Variants in LRP1B observed in about 807,000 individuals in gnomAD.
The protein encoded by LRP1B is LDL receptor related protein 1B, also known as low-density lipoprotein receptor-related protein 1B.
Under a neutral mutation model 556.6 loss-of-function variants are expected in LRP1B, and 217 were observed. The observed-to-expected ratio is 0.39, with a 90% CI of 0.35 to 0.44. LRP1B has a LOEUF of 0.44. LRP1B is among the 20% of genes least tolerant of loss of function. LRP1B has a pLI of 1.00. For missense variants in LRP1B, 5,053 were observed against 5,620.8 expected, an observed-to-expected ratio of 0.90 and a Z score of 3.23; for synonymous variants, 2,047 against 1,865.8, an observed-to-expected ratio of 1.10 and a Z score of -2.50.
intron 2 of LRP1B, among the ~76,000 whole-genome samples, chr2:141,747,974 C>A (rs1358025792): frequency 1.3e-5 from 2 of 152,018 alleles, no homozygotes; most frequent in African/African-American, 2.4e-5. Context: ...CTAGTAGTAC[C>A]CAGTTGGGGC....
chr2:141,080,647 G>A (rs1699899940), intron 7 of LRP1B, among the ~76,000 whole-genome samples: 1 of 152,046 alleles, frequency 6.6e-6, no homozygotes, highest in Non-Finnish European at 1.5e-5. Flanking sequence ...CTTGGTAAAC[G>A]ATGGTGCATA....
At chr2:141,577,810 G>A (rs1463522024) in intron 2 of LRP1B, among the ~76,000 whole-genome samples, 1 of 152,130 alleles carries the variant, frequency 6.6e-6, no homozygotes, top group Non-Finnish European at 1.5e-5. Context: ...CTCCTGGCAG[G>A]ACACAAGTTG....
intron 1 of LRP1B, among the ~76,000 whole-genome samples, chr2:141,987,012 G>A (rs746889892): frequency 2.0e-5 from 3 of 151,768 alleles, no homozygotes; most frequent in African/African-American, 4.8e-5. Flanking sequence ...ATAAAAATGC[G>A]GATAACAGTA....
At chr2:140,371,803 AAAGTAT>A (rs1683013163) in intron 69 of LRP1B, among the ~76,000 whole-genome samples, 1 of 152,148 alleles carries the variant, frequency 6.6e-6, no homozygotes, top group South Asian at 2.1e-4. Flanking sequence ...TGACATAAAT[AAAGTAT>A]TTGAATAAGT....
chr2:140,499,006 G>T (rs111711501), intron 55 of LRP1B, among the ~76,000 whole-genome samples: 1 of 151,706 alleles, frequency 6.6e-6, no homozygotes, highest in Non-Finnish European at 1.5e-5. Context: ...TAACATATGC[G>T]CACACCTTGT....
At chr2:141,594,560 AC>A (rs1210956514) in intron 2 of LRP1B, among the ~76,000 whole-genome samples, 2 of 152,126 alleles carry the variant, frequency 1.3e-5, no homozygotes, top group East Asian at 3.9e-4. Context: ...AGCAACATGG[AC>A]AAATCAGACT....
chr2:141,446,568 T>A (rs566408964), intron 3 of LRP1B, among the ~76,000 whole-genome samples: 1 of 152,324 alleles, frequency 6.6e-6, no homozygotes, highest in South Asian at 2.1e-4. Context: ...TTTCCATATT[T>A]AGTGCTTCCT....
At chr2:140,273,333 T>TTGGATAGTTTATA (rs1682542730) in intron 85 of LRP1B, among the ~76,000 whole-genome samples, 1 of 10,398 alleles carries the variant, frequency 9.6e-5, no homozygotes, top group African/African-American at 1.3e-4. Flanking sequence ...GAAACATGAT[T>TTGGATAGTTTATA]TGGACGCATG....
Position 140,420,826 on chromosome 2 carries a change from A to G in LRP1B, c.10414+21678T>C, listed in dbSNP as rs148649299. Among the ~76,000 whole-genome samples the G allele has an allele frequency of 4.1e-3, 623 of 152,322 alleles. 5 individuals carry two copies. The highest frequency in any genetic ancestry group is 0.014 in the African/African-American group (572 of 41,572). The stretch of plus-strand genomic sequence containing the variant: ...ACTTCAAGCAACTAAGTGGTTACCT[A>G]TGGAGGCAGGGGTGCAGGAAGCAGT... On this transcript the variant is annotated intron_variant, in intron 66 of 90. Transcript: ENST00000389484.
chr2:140,277,644 A>G (rs1370252350), intron 84 of LRP1B, among the ~76,000 whole-genome samples: 1 of 151,936 alleles, frequency 6.6e-6, no homozygotes, highest in African/African-American at 2.4e-5. Context: ...AAATAAAATG[A>G]AAAGATGAGC....
chr2:141,456,991 T>C (rs567637787), intron 3 of LRP1B, among the ~76,000 whole-genome samples: 2 of 152,232 alleles, frequency 1.3e-5, no homozygotes, highest in Non-Finnish European at 2.9e-5. Flanking sequence ...ATTAGTAAGA[T>C]GGCTTTTCTG....
At chr2:140,771,089 ATATG>A (rs1219914572) in intron 33 of LRP1B, 83 bp from the exon 34 acceptor site, 2 of 934,158 alleles carry the variant, frequency 2.1e-6, no homozygotes, top group African/African-American at 3.5e-5. Context: ...AATTTGACAA[ATATG>A]TATGCTATTG....
chr2:141,553,735 AT>A (rs375763404), intron 2 of LRP1B, among the ~76,000 whole-genome samples: 1 of 5,244 alleles, frequency 1.9e-4, no homozygotes, highest in South Asian at 0.17. Flanking sequence ...TATATAATAT[AT>A]TATATATAAA....
chr2:140,794,252 A>G (rs978261680), intron 32 of LRP1B, among the ~76,000 whole-genome samples: 2 of 152,152 alleles, frequency 1.3e-5, no homozygotes, highest in African/African-American at 4.8e-5. Context: ...AATTTCCAAG[A>G]AAAGGAAAAT....
chr2:142,098,437 T>C (rs1381641658), intron 1 of LRP1B, among the ~76,000 whole-genome samples: 1 of 151,790 alleles, frequency 6.6e-6, no homozygotes, highest in Non-Finnish European at 1.5e-5. Flanking sequence ...TACTTAGAAG[T>C]AGATATTACT....
Position 141,142,672 on chromosome 2 carries a change from G to A in LRP1B, c.1013+45749C>T, listed in dbSNP as rs143878465. Among the ~76,000 whole-genome samples, 254 of 152,134 alleles carry A rather than the reference G, an allele frequency of 1.7e-3. 1 individual carries two copies. The highest frequency in any genetic ancestry group is 0.011 in the Admixed American group (169 of 15,262). ...TATCTCATCTTCAAATCTACCTTGT[G>A]AAATAGTCAAGACAGGGATTAATCA... On this transcript the variant is annotated intron_variant, in intron 7 of 90. Coordinates refer to ENST00000389484, the MANE Select transcript of LRP1B (RefSeq NM_018557.3).
chr2:141,239,414 G>A (rs1683780215), intron 5 of LRP1B, among the ~76,000 whole-genome samples: 1 of 152,094 alleles, frequency 6.6e-6, no homozygotes. Context: ...AAGAAAAATG[G>A]AGAAGTAGCT....
At chr2:141,444,524 T>G (rs1206704421) in intron 3 of LRP1B, among the ~76,000 whole-genome samples, 1 of 152,184 alleles carries the variant, frequency 6.6e-6, no homozygotes, top group Non-Finnish European at 1.5e-5. Context: ...AGGGAATGCT[T>G]CCAGCTTTTG....
intron 7 of LRP1B, among the ~76,000 whole-genome samples, chr2:141,152,564 T>A (rs1701950245): frequency 6.6e-6 from 1 of 151,872 alleles, no homozygotes; most frequent in Admixed American, 6.6e-5. Flanking sequence ...TAACTGTCCA[T>A]GAGAATGTAT....
Sources: gnomAD v4.1 joint callset for allele counts (sites outside exome capture counted in the v4.1 genomes callset) on GRCh38, gnomAD v4.1.1 for gene constraint, MANE v1.5 for transcripts, NCBI Gene and HGNC (gene_info 2026-07-23, HGNC 2026-07-21) for gene names.